LCOR: variants seen among roughly 807,000 people sequenced by gnomAD.
LCOR encodes the protein ligand-dependent corepressor.
A neutral mutation model predicts 64.4 loss-of-function variants in LCOR; 14 were observed. That is an observed-to-expected ratio of 0.22 (90% CI 0.14 to 0.34). LCOR has a LOEUF of 0.34. Ranked by LOEUF, LCOR falls within the 10% of genes least tolerant of loss-of-function variation. The pLI is 1.00. For synonymous variants in LCOR, 643 were observed against 642.5 expected (o/e 1.00, Z -0.01); for missense variants, 1,686 against 1,765.3 (o/e 0.96, Z 0.80).
At chr10:96,888,210 C>A (rs896166149) in intron 2 of LCOR, among the ~76,000 whole-genome samples, 3 of 150,150 alleles carry the variant, frequency 2.0e-5, no homozygotes, top group Non-Finnish European at 3.0e-5. Flanking sequence ...ACTAAAAATA[C>A]AAAAATTCGC....
At chr10:96,832,587 C>G (rs1413728968) in intron 1 of LCOR, among the ~76,000 whole-genome samples, 188 bp downstream of exon 1, 2 of 145,800 alleles carry the variant, frequency 1.4e-5, no homozygotes, top group Non-Finnish European at 3.1e-5. Flanking sequence ...CTCCCCTGCT[C>G]GGCCGAGCGC....
intron 7 of LCOR, chr10:96,958,403 G>C: frequency 6.6e-7 from 1 of 1,506,944 alleles, no homozygotes; most frequent in South Asian, 1.2e-5. Context: ...TTTTCTATGT[G>C]TGTTTCAGTG....
chr10:96,958,410 A>G, intron 7 of LCOR: 1 of 1,490,194 alleles, frequency 6.7e-7, no homozygotes, highest in Non-Finnish European at 9.1e-7. Context: ...TGTGTGTTTC[A>G]GTGGATGACA....
chr10:96,984,134 T>A lies in LCOR; in HGVS notation c.3674T>A (p.Leu1225Gln), dbSNP rs750571955. The A allele has an allele frequency of 9.3e-6, 15 of 1,614,174 alleles. No homozygotes were observed. Among genetic ancestry groups the A allele is most frequent in the Non-Finnish European group, 1.3e-5 (15 of 1,180,032 alleles). The stretch of plus-strand genomic sequence containing the variant: ...CTTCAGAAATACGCTCCTTCCAGCC[T>A]ATATCCCAGTTCACTACAGGCTGAG... ...HPLQKYAPSSLYPSSLQAERL... is the reference protein window; with the variant it reads ...HPLQKYAPSSQYPSSLQAERL... The change falls in exon 8 of 8, where the codon CTA (leucine) becomes CAA (glutamine). Residue 1225 changes from leucine (L) to glutamine (Q), a missense_variant. Around this residue, in one of 3 missense-constraint regions of LCOR, gnomAD observed 1,293 missense variants for 1,410.4 expected, o/e 0.92. Transcript: ENST00000421806.
chr10:96,975,881 G>A (rs748430223), intron 7 of LCOR, among the ~76,000 whole-genome samples: 1 of 152,058 alleles, frequency 6.6e-6, no homozygotes, highest in African/African-American at 2.4e-5. Flanking sequence ...CGGACGTGGT[G>A]GTGGGCGCCT....
At chr10:96,892,680 G>A (rs1005199361) in intron 2 of LCOR, among the ~76,000 whole-genome samples, 2 of 152,066 alleles carry the variant, frequency 1.3e-5, no homozygotes, top group Admixed American at 6.5e-5. Context: ...TTCAACATAT[G>A]AATTTTTGGG....
At chr10:96,974,143 G>T (rs1170500485) in intron 7 of LCOR, among the ~76,000 whole-genome samples, 1 of 152,160 alleles carries the variant, frequency 6.6e-6, no homozygotes, top group Non-Finnish European at 1.5e-5. Context: ...CTTTTAAAGG[G>T]TTTATGAATA....
chr10:96,844,589 A>G (rs1163597567), intron 2 of LCOR, among the ~76,000 whole-genome samples: 1 of 151,926 alleles, frequency 6.6e-6, no homozygotes, highest in African/African-American at 2.4e-5. Context: ...TCACAGTCCT[A>G]TTTGTGTTTC....
chr10:96,832,703 C>A (rs1273997826), intron 1 of LCOR, among the ~76,000 whole-genome samples: 4 of 150,910 alleles, frequency 2.7e-5, no homozygotes, highest in Non-Finnish European at 4.4e-5. Context: ...TCCCCTCCCT[C>A]CCCGCTCCCG....
chr10:96,984,935 C>A lies in LCOR; in HGVS notation c.4475C>A (p.Thr1492Lys). 6.2e-7 allele frequency: 1 copy of A among 1,614,108 alleles called. No individual in the cohort carries two copies. Among genetic ancestry groups the A allele is most frequent in the Non-Finnish European group, 8.5e-7 (1 of 1,180,022 alleles). ...CAGTCTATTGCCTCGGAAACACTGA[C>A]GAAACCTGCAAAACAGAAGGGGGCC... ...PSQSIASETL[T>K]KPAKQKGAGE... The change falls in exon 8 of 8, where the codon ACG (threonine) becomes AAG (lysine). Residue 1492 changes from threonine (T) to lysine (K), a missense_variant. By Grantham distance (78) the Thr-to-Lys change is moderately conservative. Coordinates refer to ENST00000421806, the MANE Select transcript of LCOR (RefSeq NM_001346516.2).
chr10:96,971,471 G>C (rs1047671145), intron 7 of LCOR, among the ~76,000 whole-genome samples: 2 of 152,162 alleles, frequency 1.3e-5, no homozygotes, highest in Non-Finnish European at 2.9e-5. Context: ...CCTAGAGGAG[G>C]TTCACAGTCC....
intron 7 of LCOR, among the ~76,000 whole-genome samples, chr10:96,970,248 A>T (rs1263957687): frequency 6.6e-6 from 1 of 151,954 alleles, no homozygotes; most frequent in Non-Finnish European, 1.5e-5. Flanking sequence ...AATACAAAAA[A>T]ATAACCGGGT....
At chr10:96,841,722 C>G (rs1051712101) in intron 2 of LCOR, among the ~76,000 whole-genome samples, 4 of 151,594 alleles carry the variant, frequency 2.6e-5, no homozygotes, top group Non-Finnish European at 5.9e-5. Flanking sequence ...ATGATAATTG[C>G]TATTATTGGA....
At position 96,920,603 on chromosome 10, in the gene LCOR, T is replaced by C. The variant is rs187003237; in HGVS notation, c.-184+12856T>C. ...ATATATATGTGTATATATGTATGTATATTCATATATGTGTATATATGTATG... is the reference window on the plus strand; with the variant it reads ...ATATATATGTGTATATATGTATGTACATTCATATATGTGTATATATGTATG... On this transcript the variant is annotated intron_variant, in intron 4 of 7. Coordinates refer to ENST00000421806, the MANE Select transcript of LCOR (RefSeq NM_001346516.2). Among the ~76,000 whole-genome samples the C allele has an allele frequency of 3.9e-3, 572 of 146,866 alleles. 5 individuals carry two copies. The highest frequency in any genetic ancestry group is 7.7e-3 in the Admixed American group (112 of 14,608).
At chr10:96,910,931 A>T (rs985288928) in intron 4 of LCOR, among the ~76,000 whole-genome samples, 1 of 152,204 alleles carries the variant, frequency 6.6e-6, no homozygotes, top group African/African-American at 2.4e-5. Flanking sequence ...AAAAATACGA[A>T]GTAGCCTCTT....
intron 7 of LCOR, among the ~76,000 whole-genome samples, chr10:96,964,835 T>C (rs571050630): frequency 3.5e-4 from 54 of 152,260 alleles, no homozygotes; most frequent in African/African-American, 1.3e-3. Context: ...CGGGATTCCT[T>C]GTCAGAAAAT....
In LCOR at chr10:96,911,391, C is replaced by T. The variant is rs74728976; in HGVS notation, c.-184+3644C>T. Among the ~76,000 whole-genome samples the T allele has an allele frequency of 4.3e-3, 659 of 152,200 alleles. 14 individuals are homozygous for T. Among genetic ancestry groups the T allele is most frequent in the Admixed American group, 0.03 (461 of 15,284 alleles). On this transcript the variant is annotated intron_variant, in intron 4 of 7. Coordinates refer to ENST00000421806, the MANE Select transcript of LCOR (RefSeq NM_001346516.2). ...GGGATTACAGCGTGAGCCACCACGC[C>T]CTGCCACTCCTATTTAATCTTCAAA...
chr10:96,906,211 A>C (rs1288774379), intron 2 of LCOR, among the ~76,000 whole-genome samples: 3 of 152,224 alleles, frequency 2.0e-5, no homozygotes, highest in African/African-American at 7.2e-5. Context: ...GCTACTAGGA[A>C]TTCAGTAACA....
chr10:96,914,887 T>G (rs914829103), intron 4 of LCOR, among the ~76,000 whole-genome samples: 2 of 152,216 alleles, frequency 1.3e-5, no homozygotes, highest in South Asian at 2.1e-4. Flanking sequence ...AAGTCCAGAT[T>G]GCTTGACACA....
Sources: allele counts gnomAD v4.1 joint callset (sites outside exome capture counted in the v4.1 genomes callset), GRCh38; gene constraint gnomAD v4.1.1; regional missense constraint gnomAD v4.1.1; transcripts MANE v1.5; gene names NCBI Gene and HGNC (gene_info 2026-07-23, HGNC 2026-07-21).